The following KLHL22 variants were observed in gnomAD, a reference collection of about 807,000 sequenced individuals.
KLHL22 encodes kelch like family member 22.
In KLHL22, 18 loss-of-function variants were observed where a neutral mutation model predicts 60.7. That is an observed-to-expected ratio of 0.30 (90% confidence interval 0.20 to 0.44). The LOEUF (loss-of-function observed/expected upper bound fraction) is 0.44, where lower values mean the gene tolerates loss of function less well. Ranked by LOEUF, KLHL22 falls within the 20% of genes least tolerant of loss-of-function variation. KLHL22 has a pLI of 1.00. For synonymous variants in KLHL22, 355 were observed against 354.5 expected (o/e 1.00, Z -0.01); for missense variants, 596 against 852.3 (o/e 0.70, Z 3.74).
At chr22:20,476,995 C>T (rs1420785162) in intron 2 of KLHL22, among the ~76,000 whole-genome samples, 1 of 151,474 alleles carries the variant, frequency 6.6e-6, no homozygotes, top group African/African-American at 2.4e-5. Context: ...TGTGAGCCAC[C>T]ACGTCTGGCC....
chr22:20,484,398 G>A (rs184961885), intron 2 of KLHL22, among the ~76,000 whole-genome samples: 3 of 152,184 alleles, frequency 2.0e-5, no homozygotes, highest in East Asian at 1.9e-4. Context: ...AGGCTCAAGC[G>A]ATTCTTGAGC....
intron 5 of KLHL22, among the ~76,000 whole-genome samples, chr22:20,447,734 G>T (rs1331681411): frequency 6.6e-6 from 1 of 151,994 alleles, no homozygotes; most frequent in Non-Finnish European, 1.5e-5. Context: ...ATAGAGACAG[G>T]GTTTCACCAT....
chr22:20,446,007 C>T (rs546231844), intron 6 of KLHL22, among the ~76,000 whole-genome samples: 49 of 152,298 alleles, frequency 3.2e-4, no homozygotes, highest in African/African-American at 1.1e-3. Context: ...GTGATCCTCT[C>T]GCCTTGGCTT....
rs1034465554 is a variant in KLHL22 at position 20,486,198 on chromosome 22, C to A, written c.227+2787G>T. On this transcript the variant is annotated intron_variant, in intron 2 of 6. Transcript: ENST00000328879. ...AAAAAAAAAAAAAGAAATTTATGTTCTTTGTAAAATAATTCAGACAATGCA... is the reference window on the plus strand; with the variant it reads ...AAAAAAAAAAAAAGAAATTTATGTTATTTGTAAAATAATTCAGACAATGCA... Among the ~76,000 whole-genome samples, 63 of 149,112 alleles carry A rather than the reference C, an allele frequency of 4.2e-4. 1 individual carries two copies. The highest frequency in any genetic ancestry group is 1.4e-3 in the African/African-American group (57 of 40,804).
At chr22:20,451,938 G>A (rs2052985808) in intron 5 of KLHL22, 3 of 908,704 alleles carry the variant, frequency 3.3e-6, no homozygotes, top group Non-Finnish European at 5.2e-6. Flanking sequence ...GGTGATTACA[G>A]GCACCAGTGC....
chr22:20,451,025 A>G, intron 5 of KLHL22: 2 of 1,517,090 alleles, frequency 1.3e-6, no homozygotes, highest in Non-Finnish European at 1.8e-6. Flanking sequence ...GAGAAATATG[A>G]CCCCAAGACT....
chr22:20,471,943 T>C (rs1162336876), intron 2 of KLHL22, among the ~76,000 whole-genome samples: 2 of 152,166 alleles, frequency 1.3e-5, no homozygotes, highest in African/African-American at 4.8e-5. Context: ...AAATGCCAAG[T>C]ATCATTCAAA....
chr22:20,495,544 C>T lies in KLHL22; in HGVS notation c.-34+216G>A, dbSNP rs1288248237. On this transcript the variant is annotated intron_variant, in intron 1 of 6. Transcript: ENST00000328879. This position sits in a 1 kb window ranked among gnomAD's most constrained non-coding sequence, Gnocchi z 4.6. ...GCCGAGCGCCAGATCCCGGCCCCTA[C>T]GCGCCCGCGCCCGGGGATCCCGCCG... Among the ~76,000 whole-genome samples the T allele has an allele frequency of 6.6e-6, 1 of 151,128 alleles. No homozygotes were observed. The highest frequency in any genetic ancestry group is 1.5e-5 in the Non-Finnish European group (1 of 67,640).
At chr22:20,458,062 G>T (rs1169132886) in intron 4 of KLHL22, 62 bp from the exon 5 acceptor site, 5 of 1,564,908 alleles carry the variant, frequency 3.2e-6, no homozygotes. Context: ...CCGCAGGCTT[G>T]CACCTCTTGT....
chr22:20,451,075 T>C (rs2052969552), intron 5 of KLHL22: 4 of 1,469,184 alleles, frequency 2.7e-6, no homozygotes, highest in Non-Finnish European at 3.8e-6. Context: ...TTGTAAGAGA[T>C]GTTATGTGGC....
At chr22:20,458,081 C>T in intron 4 of KLHL22, 81 bp from the exon 5 acceptor site, 1 of 1,498,446 alleles carries the variant, frequency 6.7e-7, no homozygotes, top group Non-Finnish European at 9.1e-7. Context: ...GTTCTGGTCC[C>T]ATTTCTGCTT....
rs1278674531 is a variant in KLHL22, at chr22:20,489,200, C to T, written c.12G>A (p.Glu4=). The T allele has an allele frequency of 4.3e-6, 7 of 1,613,942 alleles. No homozygotes were observed. The highest frequency in any genetic ancestry group is 5.9e-6 in the Non-Finnish European group (7 of 1,180,038). The change falls in exon 2 of 7, where the codon GAG becomes GAA. Residue 4 remains glutamate, a synonymous_variant. Transcript: ENST00000328879. The part of the protein sequence containing the change: MAE[E]QEFTQLCKLP... The stretch of plus-strand genomic sequence containing the variant: ...ACTTGCAGAGCTGGGTGAACTCCTG[C>T]TCCTCTGCCATCCTGACAGCCACAA...
intron 3 of KLHL22, among the ~76,000 whole-genome samples, chr22:20,467,329 C>A (rs1389857558): frequency 6.6e-6 from 1 of 152,252 alleles, no homozygotes; most frequent in Non-Finnish European, 1.5e-5. Flanking sequence ...ACTCCATACA[C>A]TAACCCACTC....
Position 20,441,853 on chromosome 22 carries a change from C to T in KLHL22, c.*220G>A. On this transcript the variant is annotated 3_prime_UTR_variant, in exon 7 of 7. Transcript: ENST00000328879. ...AGGCCAAAGCCTTTCAGAAGCAGTT[C>T]CTGCAGTGACGTAATCCACAGCCTG... 2.4e-6 allele frequency: 1 copy of T among 422,908 alleles called. No homozygotes were observed. Among genetic ancestry groups the T allele is most frequent in the Non-Finnish European group, 4.1e-6 (1 of 243,714 alleles). 26.2% of individuals were successfully genotyped at this position (422,908 alleles called of 1,614,324 possible).
chr22:20,467,953 C>T lies in KLHL22; in HGVS notation c.394-2377G>A, dbSNP rs559340461. On this transcript the variant is annotated intron_variant, in intron 3 of 6. Coordinates refer to ENST00000328879, the MANE Select transcript of KLHL22 (RefSeq NM_032775.4). ...GATTACAGGCGTGAGCCACGGCGCC[C>T]GGCCAAGGTATTTAAAGCTTATCAA... 4.7e-4 allele frequency among the ~76,000 whole-genome samples: 72 copies of T among 152,314 alleles called. 3 individuals are homozygous for T. In the South Asian group the frequency reaches 7.0e-3, roughly 15 times the overall value.
chr22:20,465,197 T>C lies in KLHL22; in HGVS notation c.773A>G (p.His258Arg), dbSNP rs755550733. 4.3e-6 allele frequency: 7 copies of C among 1,613,700 alleles called. No homozygotes were observed. In the Admixed American group the frequency reaches 6.7e-5, roughly 15 times the overall value. Residue 258 changes from histidine (H) to arginine (R), a missense_variant, in exon 4 of 7, where the codon CAT becomes CGT. His to Arg is a conservative substitution (Grantham distance 29, BLOSUM62 0). Transcript: ENST00000328879. This position sits in a 1 kb window ranked among gnomAD's most constrained non-coding sequence, Gnocchi z 4.9. ...LMEAEVLQRL[H>R]DKLDPSPLRD... ...CAAAGGGCTGGGGTCCAGCTTGTCA[T>C]GCAGCCGCTGCAGGACCTCAGCTTC...
At chr22:20,479,619 A>G (rs1234409048) in intron 2 of KLHL22, among the ~76,000 whole-genome samples, 1 of 152,164 alleles carries the variant, frequency 6.6e-6, no homozygotes, top group African/African-American at 2.4e-5. Flanking sequence ...AGGCAGAAGC[A>G]TTGCTTGAGC....
intron 3 of KLHL22, among the ~76,000 whole-genome samples, chr22:20,467,459 CTTCT>C (rs931900203): frequency 4.6e-5 from 7 of 152,178 alleles, no homozygotes; most frequent in Admixed American, 1.3e-4. Flanking sequence ...GTGTTTGATG[CTTCT>C]TTCTTTGGAA....
chr22:20,486,166 C>CAAAA (rs200248872), intron 2 of KLHL22, among the ~76,000 whole-genome samples: 12 of 82,554 alleles, frequency 1.5e-4, no homozygotes, highest in Non-Finnish European at 1.9e-4. Flanking sequence ...GATTCCGTCT[C>CAAAA]AAAAAAAAAA....
Sources: gnomAD v4.1 joint callset for allele counts (sites outside exome capture counted in the v4.1 genomes callset) on GRCh38, gnomAD v4.1.1 for gene constraint, Gnocchi (gnomAD v3.1) non-coding constraint, MANE v1.5 for transcripts, NCBI Gene and HGNC (gene_info 2026-07-23, HGNC 2026-07-21) for gene names.